Variants in CNOT3 observed in about 807,000 individuals in gnomAD.
The protein encoded by CNOT3 is CCR4-NOT transcription complex subunit 3, also known as CCR4-associated factor 3.
In CNOT3, 2 loss-of-function variants were observed where a neutral mutation model predicts 89.4. The observed-to-expected ratio is 0.02, with a 90% confidence interval of 0.01 to 0.07. The LOEUF is 0.07. Among genes scored for constraint, CNOT3 ranks in the 10% least tolerant of loss-of-function variants. The pLI is 1.00. For missense variants in CNOT3, 664 were observed against 1,010.2 expected, an observed-to-expected ratio of 0.66 and a Z score of 4.65; for synonymous variants, 486 against 402.0, an observed-to-expected ratio of 1.21 and a Z score of -2.50.
intron 10 of CNOT3, among the ~76,000 whole-genome samples, chr19:54,147,007 C>G (rs775491922): frequency 7.2e-5 from 11 of 152,122 alleles, no homozygotes; most frequent in Non-Finnish European, 1.5e-4. Flanking sequence ...ATGAGTCTGG[C>G]CAGGTCTGCA....
At chr19:54,152,759 TG>T in intron 15 of CNOT3, 107 bp from the exon 16 acceptor site, 1 of 890,292 alleles carries the variant, frequency 1.1e-6, no homozygotes, top group Non-Finnish European at 1.8e-6. Context: ...AGCACCGCCC[TG>T]GGTCTTTCTG....
At chr19:54,154,046 CTGTAGGTCTCA>C (rs1306530286) in intron 17 of CNOT3, 1 of 736,596 alleles carries the variant, frequency 1.4e-6, no homozygotes, top group African/African-American at 1.7e-5. Flanking sequence ...CCTAGGCCTC[CTGTAGGTCTCA>C]GCCCAAATGT....
In CNOT3 at chr19:54,142,958, T is replaced by G; in HGVS notation, c.-21T>G. ...CGTCTCCAAGAGAGTATGAAGAGAGTGCGTCTGTAGGGCAGGGAAGATGGC... is the reference window on the plus strand; with the variant it reads ...CGTCTCCAAGAGAGTATGAAGAGAGGGCGTCTGTAGGGCAGGGAAGATGGC... On this transcript the variant is annotated 5_prime_UTR_variant, in exon 2 of 18. Transcript: ENST00000221232. 1 of 1,613,156 alleles carries G rather than the reference T, an allele frequency of 6.2e-7. No individual in the cohort carries two copies. The highest frequency in any genetic ancestry group is 8.5e-7 in the Non-Finnish European group (1 of 1,179,482).
At chr19:54,143,843 G>T in intron 5 of CNOT3, 94 bp downstream of exon 5, 1 of 1,472,512 alleles carries the variant, frequency 6.8e-7, no homozygotes, top group Non-Finnish European at 9.3e-7. Flanking sequence ...GACCCCAGAG[G>T]TCCTCAAGAG....
At chr19:54,138,231 C>T (rs1324330773) in intron 1 of CNOT3, among the ~76,000 whole-genome samples, 2 of 151,962 alleles carry the variant, frequency 1.3e-5, no homozygotes, top group Non-Finnish European at 2.9e-5. Context: ...TCCCGGGGGT[C>T]CTTCCGCGAC....
chr19:54,148,713 C>A lies in CNOT3; in HGVS notation c.1376C>A (p.Ser459Tyr). The A allele has an allele frequency of 6.2e-7, 1 of 1,611,774 alleles. No individual in the cohort carries two copies. Among genetic ancestry groups the A allele is most frequent in the Non-Finnish European group, 8.5e-7 (1 of 1,179,302 alleles). ...NASSQALGPP[S>Y]GPHNPPPSTS... ...AGCAGCCAGGCCTTGGGCCCCCCTT[C>A]CGGCCCCCACAACCCACCTCCCAGC... Residue 459 changes from serine to tyrosine, a missense_variant, in exon 12 of 18, where the codon TCC becomes TAC. This residue lies in a region of CNOT3 where 545 missense variants were observed against 566.2 expected (regional missense o/e 0.96). Transcript: ENST00000221232. This position sits in a 1 kb window ranked among gnomAD's most constrained non-coding sequence, Gnocchi z 6.3.
intron 1 of CNOT3, 140 bp from the exon 2 acceptor site, chr19:54,142,789 G>A (rs1190463609): frequency 3.1e-6 from 2 of 644,674 alleles, no homozygotes; most frequent in Non-Finnish European, 2.8e-6. Context: ...CAGGAGAACT[G>A]GGGCTGGTCT....
At chr19:54,151,962 C>A (rs1370871063) in intron 13 of CNOT3, among the ~76,000 whole-genome samples, 1 of 152,250 alleles carries the variant, frequency 6.6e-6, no homozygotes, top group Non-Finnish European at 1.5e-5. Context: ...ATGTCACGAA[C>A]TTGTATTTTG....
chr19:54,139,919 T>C (rs2074380196), intron 1 of CNOT3, among the ~76,000 whole-genome samples: 2 of 152,102 alleles, frequency 1.3e-5, no homozygotes, highest in South Asian at 4.1e-4. Flanking sequence ...TTCTGGAGTC[T>C]CAGAGCCTCT....
At chr19:54,153,887 G>A in intron 17 of CNOT3, 47 bp downstream of exon 17, 1 of 1,613,508 alleles carries the variant, frequency 6.2e-7, no homozygotes, top group Non-Finnish European at 8.5e-7. Flanking sequence ...TTGGGGTAGA[G>A]TCCCCAGGCT....
At chr19:54,142,706 A>G (rs2074501977) in intron 1 of CNOT3, 1 of 588,930 alleles carries the variant, frequency 1.7e-6, no homozygotes, top group Middle Eastern at 4.5e-4. Flanking sequence ...AAAAGTATGT[A>G]ACTTTTCTTG....
chr19:54,151,599 G>C (rs2075113438), intron 13 of CNOT3, among the ~76,000 whole-genome samples: 1 of 152,224 alleles, frequency 6.6e-6, no homozygotes, highest in Non-Finnish European at 1.5e-5. Flanking sequence ...TGGGACAGCT[G>C]CACGTGGCTG....
intron 16 of CNOT3, 91 bp from the exon 17 acceptor site, chr19:54,153,624 G>A (rs1045761968): frequency 1.0e-5 from 10 of 960,046 alleles, no homozygotes; most frequent in Middle Eastern, 2.1e-4. Context: ...GGCGGGGGCC[G>A]GGGTTCAGCC....
chr19:54,149,194 A>C (rs1410414731), intron 12 of CNOT3, among the ~76,000 whole-genome samples: 1 of 152,132 alleles, frequency 6.6e-6, no homozygotes, highest in South Asian at 2.1e-4. Context: ...ATCAGTGTGC[A>C]CAAAGGAAAG....
At position 54,148,761 on chromosome 19, in the gene CNOT3, C is replaced by T. The variant is rs764908342; in HGVS notation, c.1406+18C>T. ...AGCACCTCGTGAGTGTCTCGGCCAT[C>T]GGCAGGGTTGGGATGGCAGCCTTTT... On this transcript the variant is annotated intron_variant, in intron 12 of 17. Coordinates refer to ENST00000221232, the MANE Select transcript of CNOT3 (RefSeq NM_014516.4). This position sits in a 1 kb window ranked among gnomAD's most constrained non-coding sequence, Gnocchi z 6.3. The T allele has an allele frequency of 7.5e-6, 12 of 1,607,494 alleles. No homozygotes were observed. The highest frequency in any genetic ancestry group is 2.2e-5 in the East Asian group (1 of 44,756).
chr19:54,154,976 C>T lies in CNOT3; in HGVS notation c.2164-333C>T, dbSNP rs540944957. 9 of 355,672 alleles carry T rather than the reference C, an allele frequency of 2.5e-5. No homozygotes were observed. The Admixed American group carries it at 4.2e-4, about 16-fold the overall frequency. The allele number at this position is 355,672 out of a possible 1,614,324, so 22.0% of individuals were successfully genotyped here. On this transcript the variant is annotated intron_variant, in intron 17 of 17. Coordinates refer to ENST00000221232, the MANE Select transcript of CNOT3 (RefSeq NM_014516.4). ...TGTGAAGATTAAATGCTAGGCTGTG[C>T]ATCCTGTACTCACGTGAGAGGTGCT...
chr19:54,139,301 A>C (rs1403359487), intron 1 of CNOT3, among the ~76,000 whole-genome samples: 2 of 152,154 alleles, frequency 1.3e-5, no homozygotes, highest in Non-Finnish European at 2.9e-5. Context: ...AGGACCAAGA[A>C]GCCCACTGCC....
At chr19:54,141,684 T>C (rs947852955) in intron 1 of CNOT3, 3 of 152,240 alleles carry the variant, frequency 2.0e-5, no homozygotes, top group African/African-American at 7.2e-5. Flanking sequence ...CCCTCTGTAT[T>C]GAGGCTCTTG....
chr19:54,155,026 C>T lies in CNOT3; in HGVS notation c.2164-283C>T, dbSNP rs373544189. 2.8e-4 allele frequency: 144 copies of T among 505,510 alleles called. 1 individual carries two copies. In the South Asian group the frequency reaches 3.1e-3, roughly 11 times the overall value. 31.3% of individuals were successfully genotyped at this position (505,510 alleles called of 1,614,324 possible). A position where few individuals can be genotyped will look rare whatever the true frequency, so the allele number is the denominator to read the frequency against. On this transcript the variant is annotated intron_variant, in intron 17 of 17. Coordinates refer to ENST00000221232, the MANE Select transcript of CNOT3 (RefSeq NM_014516.4). ...TCAAAAGCCACAGCCCTCGAGGAAA[C>T]GAAGGCTGTGCACTCACACCTGGGG...
Sources: allele counts gnomAD v4.1 joint callset (sites outside exome capture counted in the v4.1 genomes callset), GRCh38; gene constraint gnomAD v4.1.1; regional missense constraint gnomAD v4.1.1; non-coding constraint Gnocchi (gnomAD v3.1); transcripts MANE v1.5; gene names NCBI Gene and HGNC (gene_info 2026-07-23, HGNC 2026-07-21).